The following SMOX variants were observed in gnomAD, a reference collection of about 807,000 sequenced individuals.
SMOX encodes flavin containing amine oxidase.
Under a neutral mutation model 51.0 loss-of-function variants are expected in SMOX, and 22 were observed. That is an observed-to-expected ratio of 0.43 (90% CI 0.31 to 0.62). The LOEUF is 0.62. Among genes scored for constraint, SMOX ranks in the 20% least tolerant of loss-of-function variants. The pLI, the probability that SMOX is intolerant of heterozygous loss-of-function variation, is 0.10. For synonymous variants in SMOX, 282 were observed against 307.8 expected, an observed-to-expected ratio of 0.92 and a Z score of 0.88; for missense variants, 566 against 777.7, an observed-to-expected ratio of 0.73 and a Z score of 3.24.
At chr20:4,150,917 C>T (rs551085559) in intron 1 of SMOX, among the ~76,000 whole-genome samples, 89 of 151,542 alleles carry the variant, frequency 5.9e-4, no homozygotes, top group Non-Finnish European at 9.4e-4. Context: ...CCGCAACCTC[C>T]ACCTCCTGCG....
chr20:4,159,499 G>A (rs901479117), intron 1 of SMOX, among the ~76,000 whole-genome samples: 1 of 152,188 alleles, frequency 6.6e-6, no homozygotes, highest in Non-Finnish European at 1.5e-5. Flanking sequence ...AGCAGGCTGT[G>A]GAACCTCTCT....
At chr20:4,173,154 G>A (rs1243010338) in intron 1 of SMOX, among the ~76,000 whole-genome samples, 2 of 152,168 alleles carry the variant, frequency 1.3e-5, no homozygotes, top group South Asian at 2.1e-4. Flanking sequence ...ATCTTCATAC[G>A]TGCACTGGGT....
chr20:4,187,221 C>G lies in SMOX; in HGVS notation c.1531-49C>G, dbSNP rs1394577880. The G allele has an allele frequency of 1.9e-6, 3 of 1,574,438 alleles. No homozygotes were observed. The highest frequency in any genetic ancestry group is 2.3e-5 in the East Asian group (1 of 44,294). ...TGGAGAGGGGTGGCCTTGTGGCCTTCTGGCCTTTGCTGCTCCTCCACCCTG... is the reference window on the plus strand; with the variant it reads ...TGGAGAGGGGTGGCCTTGTGGCCTTGTGGCCTTTGCTGCTCCTCCACCCTG... On this transcript the variant is annotated intron_variant, in intron 6 of 6. Coordinates refer to ENST00000305958, the MANE Select transcript of SMOX (RefSeq NM_175839.3). The surrounding 1 kb of genome is among the most constrained non-coding windows in gnomAD (Gnocchi z 4.8).
chr20:4,183,639 G>T lies in SMOX; in HGVS notation c.1515G>T (p.Glu505Asp). Residue 505 changes from glutamate to aspartate, a missense_variant, in exon 6 of 7, where the codon GAG becomes GAT. Coordinates refer to ENST00000305958, the MANE Select transcript of SMOX (RefSeq NM_175839.3). The surrounding 1 kb of genome is among the most constrained non-coding windows in gnomAD (Gnocchi z 4.3). ...EKLAKPLPYT[E>D]SSKTAPMQVL... The stretch of plus-strand genomic sequence containing the variant: ...TGGCCAAGCCCCTGCCGTACACAGA[G>T]AGCTCAAAGACAGCGGTAAGCGGGG... The T allele has an allele frequency of 6.3e-7, 1 of 1,582,126 alleles. No homozygotes were observed. Among genetic ancestry groups the T allele is most frequent in the Non-Finnish European group, 8.6e-7 (1 of 1,164,948 alleles).
At chr20:4,186,608 T>C in intron 6 of SMOX, 1 of 660,664 alleles carries the variant, frequency 1.5e-6, no homozygotes, top group African/African-American at 1.8e-5. Context: ...TCAAAGGTCC[T>C]GTCCTCTGGG....
chr20:4,186,833 G>A (rs1979772799), intron 6 of SMOX: 2 of 780,276 alleles, frequency 2.6e-6, no homozygotes, highest in South Asian at 2.7e-5. Context: ...CGCCGTAAAG[G>A]TTTGTCAAAT....
In SMOX at chr20:4,187,601, G is replaced by A. The variant is rs959668382; in HGVS notation, c.*194G>A. 2.2e-5 allele frequency: 16 copies of A among 716,252 alleles called. No individual in the cohort carries two copies. The highest frequency in any genetic ancestry group is 3.3e-5 in the Non-Finnish European group (15 of 456,932). 44.4% of individuals were successfully genotyped at this position (716,252 alleles called of 1,614,324 possible). On this transcript the variant is annotated 3_prime_UTR_variant, in exon 7 of 7. Coordinates refer to ENST00000305958, the MANE Select transcript of SMOX (RefSeq NM_175839.3). The surrounding 1 kb of genome is among the most constrained non-coding windows in gnomAD (Gnocchi z 4.8). ...AGGCTGGGCCGTGAGCAGGTGGGCC[G>A]TTGAGTTACCTCTGTGCTGGATCCC...
intron 2 of SMOX, chr20:4,175,925 A>T (rs1600817481): frequency 7.4e-6 from 1 of 134,340 alleles, no homozygotes; most frequent in Non-Finnish European, 1.6e-5. Flanking sequence ...ATGGTTTCTG[A>T]CCATTGAGGG....
rs1979464829 is a variant in SMOX at position 4,182,929 on chromosome 20, C to T, written c.1369+81C>T. 6.7e-7 allele frequency: 1 copy of T among 1,494,782 alleles called. No homozygotes were observed. The highest frequency in any genetic ancestry group is 1.4e-5 in the African/African-American group (1 of 72,714). The allele number at this position is 1,494,782 out of a possible 1,614,324, so 92.6% of individuals were successfully genotyped here. The stretch of plus-strand genomic sequence containing the variant: ...CTCCTCTGGTGGACCCATGGCAGCT[C>T]TCTCCTCCCCAGACCGTGAAGCTCG... On this transcript the variant is annotated intron_variant, in intron 5 of 6. Coordinates refer to ENST00000305958, the MANE Select transcript of SMOX (RefSeq NM_175839.3). The surrounding 1 kb of genome is among the most constrained non-coding windows in gnomAD (Gnocchi z 8.4).
In SMOX at chr20:4,181,716, G is replaced by A. The variant is rs1474914370; in HGVS notation, c.436-87G>A. 1 of 1,485,288 alleles carries A rather than the reference G, an allele frequency of 6.7e-7. No individual in the cohort carries two copies. Among genetic ancestry groups the A allele is most frequent in the Non-Finnish European group, 9.2e-7 (1 of 1,087,570 alleles). The allele number at this position is 1,485,288 out of a possible 1,614,324, so 92.0% of individuals were successfully genotyped here. A position where few individuals can be genotyped will look rare whatever the true frequency, so the allele number is the denominator to read the frequency against. ...GGCTCAGTGCATCCAGGGGACACCTGGGAACTGGTGGGTTTGGGTTGGGGG... is the reference window on the plus strand; with the variant it reads ...GGCTCAGTGCATCCAGGGGACACCTAGGAACTGGTGGGTTTGGGTTGGGGG... On this transcript the variant is annotated intron_variant, in intron 3 of 6. Coordinates refer to ENST00000305958, the MANE Select transcript of SMOX (RefSeq NM_175839.3). This position sits in a 1 kb window ranked among gnomAD's most constrained non-coding sequence, Gnocchi z 5.6.
At chr20:4,161,638 T>G (rs891538914) in intron 1 of SMOX, among the ~76,000 whole-genome samples, 38 of 152,208 alleles carry the variant, frequency 2.5e-4, no homozygotes, top group African/African-American at 8.7e-4. Context: ...GCACTGCACC[T>G]CCTCTGCCGC....
intron 1 of SMOX, among the ~76,000 whole-genome samples, chr20:4,162,124 C>G (rs1311163315): frequency 6.6e-6 from 1 of 152,214 alleles, no homozygotes; most frequent in Non-Finnish European, 1.5e-5. Context: ...CTCGGGGAGC[C>G]AACCTGCATG....
intron 1 of SMOX, among the ~76,000 whole-genome samples, chr20:4,156,664 C>T (rs1986032641): frequency 1.3e-5 from 2 of 152,210 alleles, no homozygotes; most frequent in Non-Finnish European, 1.5e-5. Flanking sequence ...GGCTCTGCCT[C>T]ACTGGGTGAA....
At position 4,187,626 on chromosome 20, in the gene SMOX, C is replaced by T. The variant is rs968389276; in HGVS notation, c.*219C>T. 8 of 571,542 alleles carry T rather than the reference C, an allele frequency of 1.4e-5. No homozygotes were observed. Among genetic ancestry groups the T allele is most frequent in the African/African-American group, 1.9e-5 (1 of 53,404 alleles). The allele number at this position is 571,542 out of a possible 1,614,324, so 35.4% of individuals were successfully genotyped here. A position where few individuals can be genotyped will look rare whatever the true frequency, so the allele number is the denominator to read the frequency against. ...GTTGAGTTACCTCTGTGCTGGATCC[C>T]GTGCCCCCACTTGCCTACCCTCTGT... is the stretch of plus-strand genomic sequence containing the variant. On this transcript the variant is annotated 3_prime_UTR_variant, in exon 7 of 7. Coordinates refer to ENST00000305958, the MANE Select transcript of SMOX (RefSeq NM_175839.3). The surrounding 1 kb of genome is among the most constrained non-coding windows in gnomAD (Gnocchi z 4.8).
chr20:4,152,871 G>A (rs189230979), intron 1 of SMOX, among the ~76,000 whole-genome samples: 38 of 152,256 alleles, frequency 2.5e-4, no homozygotes, highest in Non-Finnish European at 5.1e-4. Context: ...TTTTACAGAC[G>A]GGAGGACTGA....
rs1321838108 is a variant in SMOX at position 4,153,169 on chromosome 20, G to A, written c.-27+4192G>A. On this transcript the variant is annotated intron_variant, in intron 1 of 6. Transcript: ENST00000305958. The surrounding 1 kb of genome is among the most constrained non-coding windows in gnomAD (Gnocchi z 4.4). ...CTTCCAGGAGGGGCTCCGGACCCAG[G>A]CCAATGGGTTGGGCATCACGTACAC... 6.6e-6 allele frequency among the ~76,000 whole-genome samples: 1 copy of A among 152,164 alleles called. No individual in the cohort carries two copies. Among genetic ancestry groups the A allele is most frequent in the Non-Finnish European group, 1.5e-5 (1 of 68,022 alleles).
rs1978448590 is a variant in SMOX at position 4,172,254 on chromosome 20, G to T, written c.-26-2776G>T. The stretch of plus-strand genomic sequence containing the variant: ...GGTTGCGGCGCCACGTCAGTCCAGG[G>T]TGCCCAGGGTGGCGGCGTCCCCGTC... On this transcript the variant is annotated intron_variant, in intron 1 of 6. Coordinates refer to ENST00000305958, the MANE Select transcript of SMOX (RefSeq NM_175839.3). The surrounding 1 kb of genome is among the most constrained non-coding windows in gnomAD (Gnocchi z 7.7). Among the ~76,000 whole-genome samples the T allele has an allele frequency of 6.6e-6, 1 of 152,222 alleles. No individual in the cohort carries two copies. Among genetic ancestry groups the T allele is most frequent in the South Asian group, 2.1e-4 (1 of 4,834 alleles).
intron 1 of SMOX, 94 bp from the exon 2 acceptor site, chr20:4,174,936 G>A: frequency 4.6e-6 from 6 of 1,298,590 alleles, no homozygotes; most frequent in Non-Finnish European, 6.5e-6. Context: ...ACCCACAACA[G>A]AGGGCAGAGT....
At chr20:4,178,330 C>A (rs1260871485) in intron 3 of SMOX, among the ~76,000 whole-genome samples, 1 of 152,194 alleles carries the variant, frequency 6.6e-6, no homozygotes, top group Non-Finnish European at 1.5e-5. Context: ...AGCCACTGCA[C>A]CCGGCCTAAT....
Sources: gnomAD v4.1 joint callset for allele counts (sites outside exome capture counted in the v4.1 genomes callset) on GRCh38, gnomAD v4.1.1 for gene constraint, Gnocchi (gnomAD v3.1) non-coding constraint, MANE v1.5 for transcripts, NCBI Gene and HGNC (gene_info 2026-07-23, HGNC 2026-07-21) for gene names.